Variants in NMUR2 observed in about 807,000 individuals in gnomAD.
The protein encoded by NMUR2 is neuromedin U receptor 2.
A neutral mutation model predicts 25.1 loss-of-function variants in NMUR2; 24 were observed. The ratio of observed to expected loss-of-function variants is 0.96; its 90% CI spans 0.69 to 1.34. NMUR2 has a LOEUF of 1.34. NMUR2 is among the 40% of genes most tolerant of loss of function. The pLI is 0.00. For synonymous variants in NMUR2, 218 were observed against 208.1 expected (o/e 1.05, Z -0.41); for missense variants, 533 against 512.8 (o/e 1.04, Z -0.38).
At chr5:152,398,571 T>A (rs1753202680) in intron 1 of NMUR2, among the ~76,000 whole-genome samples, 2 of 152,272 alleles carry the variant, frequency 1.3e-5, no homozygotes, top group South Asian at 4.1e-4. Context: ...AAACAGGAAT[T>A]CTTCTTGCCT....
chr5:152,398,760 C>T (rs1004789125), intron 1 of NMUR2, among the ~76,000 whole-genome samples: 10 of 152,090 alleles, frequency 6.6e-5, no homozygotes, highest in African/African-American at 2.4e-4. Flanking sequence ...ACAATATTTT[C>T]CCCCAACCCT....
At chr5:152,404,150 A>C (rs1051110248) in intron 1 of NMUR2, among the ~76,000 whole-genome samples, 3 of 152,210 alleles carry the variant, frequency 2.0e-5, no homozygotes, top group African/African-American at 7.2e-5. Flanking sequence ...CGAGAACCCC[A>C]AGAATAGAGG....
intron 2 of NMUR2, among the ~76,000 whole-genome samples, chr5:152,396,122 T>G (rs1280215740): frequency 6.6e-6 from 1 of 152,080 alleles, no homozygotes; most frequent in Non-Finnish European, 1.5e-5. Flanking sequence ...CCTTCCCATC[T>G]CTTATTTTCA....
intron 1 of NMUR2, among the ~76,000 whole-genome samples, chr5:152,398,589 A>G (rs1419051574): frequency 2.0e-5 from 3 of 152,156 alleles, no homozygotes; most frequent in Non-Finnish European, 4.4e-5. Context: ...CCTCATCAGT[A>G]TTTATTGTGG....
chr5:152,404,420 T>A lies in NMUR2; in HGVS notation c.694A>T (p.Ile232Phe), dbSNP rs755930766. The stretch of plus-strand genomic sequence containing the variant: ...GCCATGAGGTAGTAGAGGACACTGA[T>A]GACAGTCATGGGGAGGAGGTAGAAT... ...FLFYLLPMTV[I>F]SVLYYLMALR... Residue 232 changes from isoleucine (I) to phenylalanine (F), a missense_variant, in exon 1 of 4, where the codon ATC becomes TTC. Physicochemically the swap from Ile to Phe is conservative, Grantham distance 21. Coordinates refer to ENST00000255262, the MANE Select transcript of NMUR2 (RefSeq NM_020167.5). 3 of 1,613,808 alleles carry A rather than the reference T, an allele frequency of 1.9e-6. No individual in the cohort carries two copies. The South Asian group carries it at 3.3e-5, about 18-fold the overall frequency.
chr5:152,402,472 G>T (rs1249564984), intron 1 of NMUR2, among the ~76,000 whole-genome samples: 1 of 152,138 alleles, frequency 6.6e-6, no homozygotes, highest in African/African-American at 2.4e-5. Context: ...GTCAAAAGTT[G>T]CATTACATAC....
At chr5:152,399,147 C>T (rs1753213538) in intron 1 of NMUR2, among the ~76,000 whole-genome samples, 1 of 152,018 alleles carries the variant, frequency 6.6e-6, no homozygotes, top group Non-Finnish European at 1.5e-5. Flanking sequence ...GATGTTTGGC[C>T]AAATAAAGGA....
At chr5:152,403,904 C>T (rs1363473584) in intron 1 of NMUR2, among the ~76,000 whole-genome samples, 1 of 152,056 alleles carries the variant, frequency 6.6e-6, no homozygotes, top group Non-Finnish European at 1.5e-5. Flanking sequence ...GTGTTATACT[C>T]AGACCAAGTT....
intron 2 of NMUR2, among the ~76,000 whole-genome samples, chr5:152,397,323 C>T (rs1432356795): frequency 6.6e-6 from 1 of 152,158 alleles, no homozygotes; most frequent in Non-Finnish European, 1.5e-5. Flanking sequence ...AGTAACTCCT[C>T]TCATATAGTA....
chr5:152,395,554 C>T lies in NMUR2; in HGVS notation c.842G>A (p.Trp281Ter). The stretch of plus-strand genomic sequence containing the variant: ...GAGTCGGTCAATGTGGAACGGGGCC[C>T]AACAGATAGCAAACACTAAGACCAA... ...FVLVLVFAIC[W>*]APFHIDRLFF... is the part of the protein sequence containing the mutation. Residue 281 changes from tryptophan to a stop codon, truncating the protein, a stop_gained, in exon 3 of 4, where the codon TGG (tryptophan) becomes TAG (stop). Transcript: ENST00000255262. LOFTEE classifies it high-confidence loss of function. 1 of 1,613,420 alleles carries T rather than the reference C, an allele frequency of 6.2e-7. No homozygotes were observed. Among genetic ancestry groups the T allele is most frequent in the East Asian group, 2.2e-5 (1 of 44,846 alleles).
intron 2 of NMUR2, among the ~76,000 whole-genome samples, chr5:152,397,358 C>T (rs1753171315): frequency 6.6e-6 from 1 of 152,046 alleles, no homozygotes; most frequent in African/African-American, 2.4e-5. Context: ...ATTTTTATAA[C>T]ATTCTTTTGG....
chr5:152,396,323 T>G (rs138249067), intron 2 of NMUR2, among the ~76,000 whole-genome samples: 3 of 151,984 alleles, frequency 2.0e-5, no homozygotes, highest in Admixed American at 6.6e-5. Context: ...AGGGGAGAGA[T>G]AAGGGTATAC....
At chr5:152,394,370 T>A (rs1055818792) in intron 3 of NMUR2, among the ~76,000 whole-genome samples, 1 of 152,204 alleles carries the variant, frequency 6.6e-6, no homozygotes, top group Non-Finnish European at 1.5e-5. Context: ...ATATTCAGTA[T>A]AGATGTCATT....
chr5:152,401,466 G>A (rs10515667), intron 1 of NMUR2, among the ~76,000 whole-genome samples: 22,880 of 152,090 alleles, frequency 0.15, 2,144 homozygotes, highest in Admixed American at 0.24. Flanking sequence ...TAGTTTGTGG[G>A]ACTTAGTTTC....
chr5:152,394,669 C>A (rs1036631254), intron 3 of NMUR2, among the ~76,000 whole-genome samples: 20 of 152,186 alleles, frequency 1.3e-4, no homozygotes, highest in African/African-American at 4.8e-4. Context: ...TAGGGCAAAT[C>A]ATTTCTTCTT....
At chr5:152,397,394 T>A (rs1258114448) in intron 2 of NMUR2, among the ~76,000 whole-genome samples, 1 of 152,158 alleles carries the variant, frequency 6.6e-6, no homozygotes. Context: ...TAAGTGAATT[T>A]TTAAAAAGAT....
chr5:152,397,674 A>T (rs900395903), intron 2 of NMUR2, among the ~76,000 whole-genome samples: 1 of 152,136 alleles, frequency 6.6e-6, no homozygotes, highest in Non-Finnish European at 1.5e-5. Flanking sequence ...ATAGGTTAAA[A>T]ACCTGCTTAT....
Position 152,404,914 on chromosome 5 carries a change from C to T in NMUR2, c.200G>A (p.Cys67Tyr). 1 of 1,613,950 alleles carries T rather than the reference C, an allele frequency of 6.2e-7. No individual in the cohort carries two copies. Among genetic ancestry groups the T allele is most frequent in the Non-Finnish European group, 8.5e-7 (1 of 1,179,998 alleles). ...VVGVIGNVLV[C>Y]LVILQHQAMK... Reference sequence around the variant, plus strand: ...AGCCTGGTGCTGCAGAATCACCAGGCACACCAGGACATTGCCAATGACCCC... The same window carrying T: ...AGCCTGGTGCTGCAGAATCACCAGGTACACCAGGACATTGCCAATGACCCC... Residue 67 changes from cysteine (C) to tyrosine (Y), a missense_variant, in exon 1 of 4, where the codon TGC becomes TAC. Coordinates refer to ENST00000255262, the MANE Select transcript of NMUR2 (RefSeq NM_020167.5).
In NMUR2 at chr5:152,392,388, A is replaced by T. The variant is rs368060763; in HGVS notation, c.1051T>A (p.Ser351Thr). The T allele has an allele frequency of 2.5e-6, 4 of 1,613,924 alleles. No individual in the cohort carries two copies. Among genetic ancestry groups the T allele is most frequent in the Non-Finnish European group, 3.4e-6 (4 of 1,179,946 alleles). The change falls in exon 4 of 4, where the codon TCC (serine) becomes ACC (threonine). Residue 351 changes from serine to threonine, a missense_variant. Ser to Thr is a moderately conservative substitution (Grantham distance 58, BLOSUM62 1). Coordinates refer to ENST00000255262, the MANE Select transcript of NMUR2 (RefSeq NM_020167.5). ...GGTGGCAACTGTGGGTCATGCTGGG[A>T]GTGCCACTGTTTGTGGAAAGAAGAG... ...VISSFHKQWH[S>T]QHDPQLPPAQ...
Sources: gnomAD v4.1 joint callset for allele counts (sites outside exome capture counted in the v4.1 genomes callset) on GRCh38, gnomAD v4.1.1 for gene constraint, MANE v1.5 for transcripts, NCBI Gene and HGNC (gene_info 2026-07-23, HGNC 2026-07-21) for gene names.